The following ADAM17 variants were observed in gnomAD, a reference collection of about 807,000 sequenced individuals.
The protein encoded by ADAM17 is ADAM metallopeptidase domain 17.
In ADAM17, 39 loss-of-function variants were observed where a neutral mutation model predicts 96.7. The ratio of observed to expected loss-of-function variants is 0.40; its 90% CI spans 0.31 to 0.53. ADAM17 has a LOEUF of 0.53. Ranked by LOEUF, ADAM17 falls within the 20% of genes least tolerant of loss-of-function variation. The pLI, the probability that ADAM17 is intolerant of heterozygous loss-of-function variation, is 0.44. For missense variants in ADAM17, 777 were observed against 1,013.2 expected (o/e 0.77, Z 3.17); for synonymous variants, 344 against 359.2 (o/e 0.96, Z 0.48).
intron 16 of ADAM17, 113 bp from the exon 17 acceptor site, chr2:9,493,099 A>T: frequency 1.2e-6 from 1 of 813,728 alleles, no homozygotes; most frequent in Non-Finnish European, 1.9e-6. Flanking sequence ...GGCTAGACAT[A>T]CTACCGAGAG....
At chr2:9,533,150 T>C (rs34337416) in intron 4 of ADAM17, among the ~76,000 whole-genome samples, 21,656 of 149,618 alleles carry the variant, frequency 0.14, 1,617 homozygotes, top group Non-Finnish European at 0.16. Flanking sequence ...GATCGCGCCA[T>C]TGCACTCCAG....
At position 9,514,621 on chromosome 2, in the gene ADAM17, T is replaced by G. The variant is rs369992190; in HGVS notation, c.1191+3280A>C. 1.4e-5 allele frequency among the ~76,000 whole-genome samples: 2 copies of G among 143,194 alleles called. 1 individual carries two copies. The highest frequency in any genetic ancestry group is 5.1e-5 in the African/African-American group (2 of 38,944). 93.9% of individuals were successfully genotyped at this position (143,194 alleles called of 152,430 possible). A position where few individuals can be genotyped will look rare whatever the true frequency, so the allele number is the denominator to read the frequency against. On this transcript the variant is annotated intron_variant, in intron 10 of 18. Transcript: ENST00000310823. The stretch of plus-strand genomic sequence containing the variant: ...AGGCACGGTGGCTCACGCCTGTAAT[T>G]CCAACACTTTGGGAGGCCAAGGCGG...
Position 9,491,067 on chromosome 2 carries a change from C to T in ADAM17, c.2133+34G>A, listed in dbSNP as rs189136851. Reference sequence around the variant, plus strand: ...TTGCCTAACAGGGCCTCAGACCAGGCGAAGATTATGTTTCTTTCATATGGT... The same window carrying T: ...TTGCCTAACAGGGCCTCAGACCAGGTGAAGATTATGTTTCTTTCATATGGT... On this transcript the variant is annotated intron_variant, in intron 18 of 18. Transcript: ENST00000310823. 160 of 1,597,044 alleles carry T rather than the reference C, an allele frequency of 1.0e-4. No homozygotes were observed. In the East Asian group the frequency reaches 2.3e-3, roughly 23 times the overall value.
intron 17 of ADAM17, among the ~76,000 whole-genome samples, chr2:9,492,565 C>A (rs924494340): frequency 6.6e-6 from 1 of 152,172 alleles, no homozygotes; most frequent in Admixed American, 6.5e-5. Flanking sequence ...TCTATTGCAA[C>A]GAAGTCAGCC....
intron 13 of ADAM17, among the ~76,000 whole-genome samples, chr2:9,499,070 G>A (rs1257131802): frequency 6.6e-6 from 1 of 150,792 alleles, no homozygotes; most frequent in Non-Finnish European, 1.5e-5. Flanking sequence ...TGATGCTGCT[G>A]CTGCTGGTTG....
chr2:9,514,460 A>G (rs1164279788), intron 10 of ADAM17, among the ~76,000 whole-genome samples: 1 of 143,990 alleles, frequency 6.9e-6, no homozygotes, highest in Non-Finnish European at 1.5e-5. Context: ...ACATGTATAC[A>G]TATGTAACAA....
intron 1 of ADAM17, among the ~76,000 whole-genome samples, chr2:9,547,184 T>TC: frequency 6.6e-6 from 1 of 152,218 alleles, no homozygotes; most frequent in Non-Finnish European, 1.5e-5. Context: ...ATCTTTTTCA[T>TC]CCCCCTACCC....
intron 12 of ADAM17, among the ~76,000 whole-genome samples, chr2:9,504,699 T>C (rs1020910035): frequency 2.0e-5 from 3 of 149,188 alleles, no homozygotes; most frequent in African/African-American, 7.5e-5. Context: ...GAGACAAAGA[T>C]TGCAGTAAGC....
At chr2:9,547,383 C>T (rs1665434487) in intron 1 of ADAM17, among the ~76,000 whole-genome samples, 1 of 152,118 alleles carries the variant, frequency 6.6e-6, no homozygotes. Flanking sequence ...TTATAAAGTA[C>T]ATCACAGACC....
Position 9,555,505 on chromosome 2 carries a change from T to C in ADAM17, c.97+4A>G. 1 of 1,589,640 alleles carries C rather than the reference T, an allele frequency of 6.3e-7. No individual in the cohort carries two copies. Among genetic ancestry groups the C allele is most frequent in the Non-Finnish European group, 8.6e-7 (1 of 1,167,904 alleles). On this transcript the variant is annotated splice_donor_region_variant and intron_variant, in intron 1 of 18. Transcript: ENST00000310823. ...GGCCTAAGCCAACTCCCCTGGGTCT[T>C]TACCGAGTCTCTGGTGGGGGCCGAA...
chr2:9,520,970 A>AAAAAAGAAAAAAAAAAC (rs1664283532), intron 8 of ADAM17, among the ~76,000 whole-genome samples: 1 of 142,756 alleles, frequency 7.0e-6, no homozygotes, highest in Non-Finnish European at 1.6e-5. Context: ...GTCTCAAAAA[A>AAAAAAGAAAAAAAAAAC]AAAAAAAAAA....
At chr2:9,542,959 A>G (rs1281211793) in intron 2 of ADAM17, among the ~76,000 whole-genome samples, 194 bp downstream of exon 2, 8 of 152,198 alleles carry the variant, frequency 5.3e-5, no homozygotes, top group South Asian at 4.1e-4. Flanking sequence ...TGGCCCCCCA[A>G]AGTGCTCGGA....
chr2:9,496,004 T>C (rs1440948946), intron 14 of ADAM17, among the ~76,000 whole-genome samples: 2 of 151,888 alleles, frequency 1.3e-5, no homozygotes, highest in East Asian at 3.9e-4. Context: ...TCAACCTATC[T>C]TCTTTACCTA....
chr2:9,497,002 G>T, intron 14 of ADAM17, 112 bp downstream of exon 14: 1 of 1,491,658 alleles, frequency 6.7e-7, no homozygotes, highest in Non-Finnish European at 9.0e-7. Flanking sequence ...CTCATCCTCG[G>T]CTTGGATCTC....
At chr2:9,528,054 T>C (rs1664597578) in intron 4 of ADAM17, 100 bp from the exon 5 acceptor site, 2 of 832,218 alleles carry the variant, frequency 2.4e-6, no homozygotes, top group East Asian at 6.2e-5. Flanking sequence ...TAACATTCAT[T>C]TCTAGGTTAA....
In ADAM17 at chr2:9,490,483, C is replaced by A. The variant is rs1016756984; in HGVS notation, c.2169G>T (p.Ser723=). The stretch of plus-strand genomic sequence containing the variant: ...CAGGAAAGGGTTTGATAATGCGAAC[C>A]GATGCAGAATCCATGCTGCTCAGCA... ...VEMLSSMDSA[S]VRIIKPFPAP... The change falls in exon 19 of 19, where the codon TCG becomes TCT. Residue 723 remains serine, a synonymous_variant. Coordinates refer to ENST00000310823, the MANE Select transcript of ADAM17 (RefSeq NM_003183.6). 1 of 1,613,786 alleles carries A rather than the reference C, an allele frequency of 6.2e-7. No homozygotes were observed. The highest frequency in any genetic ancestry group is 1.3e-5 in the African/African-American group (1 of 74,860).
At chr2:9,540,280 T>C (rs886651698) in intron 2 of ADAM17, among the ~76,000 whole-genome samples, 4 of 152,196 alleles carry the variant, frequency 2.6e-5, no homozygotes, top group African/African-American at 7.2e-5. Flanking sequence ...TCCACCAGTA[T>C]AGCAGAAATA....
At chr2:9,506,359 GTTTTTT>G (rs769256744) in intron 11 of ADAM17, among the ~76,000 whole-genome samples, 8 of 73,242 alleles carry the variant, frequency 1.1e-4, no homozygotes, top group African/African-American at 4.0e-4. Flanking sequence ...CTTCAAATCT[GTTTTTT>G]TTTTTTTTTT....
chr2:9,494,124 TG>T (rs1222259359), intron 15 of ADAM17, among the ~76,000 whole-genome samples: 20 of 152,152 alleles, frequency 1.3e-4, no homozygotes, highest in African/African-American at 4.8e-4. Flanking sequence ...ACATACACAG[TG>T]GACAGTGAAC....
Sources: gnomAD v4.1 joint callset for allele counts (sites outside exome capture counted in the v4.1 genomes callset) on GRCh38, gnomAD v4.1.1 for gene constraint, MANE v1.5 for transcripts, NCBI Gene and HGNC (gene_info 2026-07-23, HGNC 2026-07-21) for gene names.